Variants in LPP observed in about 807,000 individuals in gnomAD.
LPP encodes the protein lipoma-preferred partner.
In LPP, 38 loss-of-function variants were observed where a neutral mutation model predicts 60.4. The observed-to-expected ratio is 0.63, with a 90% CI of 0.49 to 0.83. LPP has a LOEUF of 0.83. Among genes scored for constraint, LPP ranks in the 40% least tolerant of loss-of-function variants. LPP has a pLI of 0.00. For synonymous variants in LPP, 328 were observed against 290.8 expected (o/e 1.13, Z -1.30); for missense variants, 902 against 783.6 (o/e 1.15, Z -1.80).
intron 6 of LPP, among the ~76,000 whole-genome samples, chr3:188,582,922 A>T (rs542468065): frequency 6.6e-6 from 1 of 152,272 alleles, no homozygotes; most frequent in Non-Finnish European, 1.5e-5. Context: ...GTGATTTCAG[A>T]TCAGCATCAT....
Position 188,877,830 on chromosome 3 carries a change from C to G in LPP, c.*3351C>G, listed in dbSNP as rs1222650908. The G allele has an allele frequency of 4.6e-6, 1 of 216,146 alleles. No individual in the cohort carries two copies. Among genetic ancestry groups the G allele is most frequent in the Non-Finnish European group, 9.3e-6 (1 of 107,256 alleles). The allele number at this position is 216,146 out of a possible 1,614,324, so 13.4% of individuals were successfully genotyped here. On this transcript the variant is annotated 3_prime_UTR_variant, in exon 12 of 12. Coordinates refer to ENST00000617246, the MANE Select transcript of LPP (RefSeq NM_001375462.1). ...TTGTTAGATGCTGGCATCTCTGCAG[C>G]TCAAAGATGTGGGTTCTTTTTCTTG...
At chr3:188,374,333 C>T (rs1161913943) in intron 3 of LPP, among the ~76,000 whole-genome samples, 8 of 152,084 alleles carry the variant, frequency 5.3e-5, no homozygotes, top group Non-Finnish European at 1.2e-4. Context: ...ATTCTTCCTA[C>T]CCGTGAGCAT....
intron 7 of LPP, among the ~76,000 whole-genome samples, chr3:188,661,577 G>T (rs1854583661): frequency 6.6e-6 from 1 of 152,120 alleles, no homozygotes; most frequent in African/African-American, 2.4e-5. Flanking sequence ...TTTGCCATCT[G>T]TATATCTTGT....
At chr3:188,299,170 C>T (rs1042250321) in intron 2 of LPP, among the ~76,000 whole-genome samples, 2 of 152,192 alleles carry the variant, frequency 1.3e-5, no homozygotes, top group Admixed American at 6.6e-5. Flanking sequence ...CACACAGCCT[C>T]GGACTCTCCC....
rs951104793 is a variant in LPP, at chr3:188,881,299, T to A, written c.*6820T>A. 2 of 193,692 alleles carry A rather than the reference T, an allele frequency of 1.0e-5. No homozygotes were observed. The highest frequency in any genetic ancestry group is 4.6e-5 in the African/African-American group (2 of 43,216). The allele number at this position is 193,692 out of a possible 1,614,324, so 12.0% of individuals were successfully genotyped here. A position where few individuals can be genotyped will look rare whatever the true frequency, so the allele number is the denominator to read the frequency against. ...TAGCTCTGTAGCTCCACAAAACAAGTCTTAAGTCCAAATCTTTGCCTCTTC... is the reference window on the plus strand; with the variant it reads ...TAGCTCTGTAGCTCCACAAAACAAGACTTAAGTCCAAATCTTTGCCTCTTC... On this transcript the variant is annotated 3_prime_UTR_variant, in exon 12 of 12. Coordinates refer to ENST00000617246, the MANE Select transcript of LPP (RefSeq NM_001375462.1).
intron 1 of LPP, among the ~76,000 whole-genome samples, chr3:188,172,850 CA>C (rs1252713130): frequency 5.3e-5 from 8 of 152,128 alleles, no homozygotes; most frequent in Admixed American, 2.0e-4. Flanking sequence ...TTAAAACTTT[CA>C]TCTTCTTTAA....
In LPP at chr3:188,714,066, A is replaced by G. The variant is rs1712774002; in HGVS notation, c.1240+5673A>G. Among the ~76,000 whole-genome samples the G allele has an allele frequency of 7.9e-5, 12 of 152,242 alleles. No homozygotes were observed. The South Asian group carries it at 2.5e-3, about 32-fold the overall frequency. On this transcript the variant is annotated intron_variant, in intron 8 of 11. Coordinates refer to ENST00000617246, the MANE Select transcript of LPP (RefSeq NM_001375462.1). ...TGGCAGACCTGGCGATGATGTCTTC[A>G]TTTCATTTTTTGGATGGGGAAATAG...
At chr3:188,315,150 T>G (rs1754668089) in intron 2 of LPP, among the ~76,000 whole-genome samples, 1 of 152,140 alleles carries the variant, frequency 6.6e-6, no homozygotes, top group Non-Finnish European at 1.5e-5. Flanking sequence ...AAATTATAGT[T>G]TTTTTAGGGA....
chr3:188,512,570 A>AATAAATAC (rs1553917946), intron 5 of LPP, among the ~76,000 whole-genome samples: 2 of 150,756 alleles, frequency 1.3e-5, no homozygotes, highest in African/African-American at 4.9e-5. Flanking sequence ...TAAATAAATA[A>AATAAATAC]ATAAATAAAT....
chr3:188,681,826 A>T (rs1375261546), intron 7 of LPP, among the ~76,000 whole-genome samples: 1 of 152,146 alleles, frequency 6.6e-6, no homozygotes, highest in Non-Finnish European at 1.5e-5. Context: ...TGTTTGCATG[A>T]TGTGTAGTAT....
At chr3:188,603,951 A>G (rs553269409) in intron 6 of LPP, among the ~76,000 whole-genome samples, 91 of 152,160 alleles carry the variant, frequency 6.0e-4, no homozygotes, top group Admixed American at 1.1e-3. Flanking sequence ...TTTAAATCTT[A>G]AGCAGTTTCC....
intron 2 of LPP, among the ~76,000 whole-genome samples, chr3:188,311,309 C>A (rs932806605): frequency 9.7e-4 from 147 of 151,858 alleles, no homozygotes; most frequent in African/African-American, 3.4e-3. Context: ...CCCATTTCTA[C>A]AAAAAAATGA....
intron 9 of LPP, among the ~76,000 whole-genome samples, chr3:188,844,679 C>T (rs1003193053): frequency 1.3e-5 from 2 of 152,184 alleles, no homozygotes; most frequent in Non-Finnish European, 2.9e-5. Context: ...TATTGTCCAT[C>T]TCTTTGGACA....
chr3:188,676,605 G>A (rs1484527948), intron 7 of LPP, among the ~76,000 whole-genome samples: 1 of 152,166 alleles, frequency 6.6e-6, no homozygotes, highest in Non-Finnish European at 1.5e-5. Flanking sequence ...AGGGTAAAGG[G>A]TAAAATCTCC....
intron 6 of LPP, among the ~76,000 whole-genome samples, chr3:188,533,761 A>G (rs1328083826): frequency 6.6e-6 from 1 of 152,214 alleles, no homozygotes; most frequent in African/African-American, 2.4e-5. Context: ...TGTACCCGCC[A>G]GAAAACTTCA....
chr3:188,531,450 G>T (rs1198066246), intron 6 of LPP, among the ~76,000 whole-genome samples: 1 of 152,006 alleles, frequency 6.6e-6, no homozygotes, highest in Non-Finnish European at 1.5e-5. Flanking sequence ...GTGGGCTCCT[G>T]GATTTTGGCT....
At chr3:188,387,747 A>G (rs1778692647) in intron 3 of LPP, among the ~76,000 whole-genome samples, 1 of 151,766 alleles carries the variant, frequency 6.6e-6, no homozygotes, top group Non-Finnish European at 1.5e-5. Context: ...TTGTATTTTT[A>G]TTAGAGACAG....
At chr3:188,645,894 AAT>A (rs1250775714) in intron 7 of LPP, among the ~76,000 whole-genome samples, 5 of 151,864 alleles carry the variant, frequency 3.3e-5, no homozygotes, top group Non-Finnish European at 5.9e-5. Flanking sequence ...CAGGAAAAAA[AAT>A]GTTTATAATC....
At chr3:188,848,109 T>A (rs988493656) in intron 9 of LPP, among the ~76,000 whole-genome samples, 18 of 152,222 alleles carry the variant, frequency 1.2e-4, no homozygotes, top group African/African-American at 3.9e-4. Context: ...TATCACAAAC[T>A]GTTATTCTCA....
Sources: allele counts gnomAD v4.1 joint callset (sites outside exome capture counted in the v4.1 genomes callset), GRCh38; gene constraint gnomAD v4.1.1; transcripts MANE v1.5; gene names NCBI Gene and HGNC (gene_info 2026-07-23, HGNC 2026-07-21).